BICDL1: variants seen among roughly 807,000 people sequenced by gnomAD.
BICDL1 encodes BICD family like cargo adaptor 1.
BICDL1 carries 20 observed loss-of-function variants against 76.8 expected under a neutral mutation model. That is an observed-to-expected ratio of 0.26 (90% CI 0.18 to 0.38). The LOEUF (loss-of-function observed/expected upper bound fraction) is 0.38, where lower values mean the gene tolerates loss of function less well. Among genes scored for constraint, BICDL1 ranks in the 10% least tolerant of loss-of-function variants. The pLI is 1.00. For synonymous variants in BICDL1, 383 were observed against 337.1 expected (o/e 1.14, Z -1.49); for missense variants, 700 against 798.6 (o/e 0.88, Z 1.49).
rs181731082 is a variant in BICDL1, at chr12:120,054,710, C to G, written c.646-7000C>G. Among the ~76,000 whole-genome samples, 707 of 152,058 alleles carry G rather than the reference C, an allele frequency of 4.6e-3. 3 individuals are homozygous for G. The highest frequency in any genetic ancestry group is 8.5e-3 in the Admixed American group (129 of 15,262). On this transcript the variant is annotated intron_variant, in intron 2 of 9. Transcript: ENST00000548673. ...TGGCCAACATGAAGGAATTCCATCTCTACTAAAAATGCAAAAAAAATTAGC... is the reference window on the plus strand; with the variant it reads ...TGGCCAACATGAAGGAATTCCATCTGTACTAAAAATGCAAAAAAAATTAGC...
intron 8 of BICDL1, among the ~76,000 whole-genome samples, chr12:120,084,537 C>T (rs1213399280): frequency 6.6e-6 from 1 of 152,130 alleles, no homozygotes; most frequent in Non-Finnish European, 1.5e-5. Context: ...AAATAAGATA[C>T]TGTATGCTTT....
chr12:120,061,661 T>C (rs751771608), intron 2 of BICDL1, 49 bp from the exon 3 acceptor site: 2 of 1,260,650 alleles, frequency 1.6e-6, no homozygotes, highest in East Asian at 2.3e-5. Context: ...CTTAACAGAG[T>C]TCCTTTGCAT....
At chr12:120,002,172 C>T (rs958092587) in intron 2 of BICDL1, among the ~76,000 whole-genome samples, 1 of 152,306 alleles carries the variant, frequency 6.6e-6, no homozygotes, top group East Asian at 1.9e-4. Flanking sequence ...ACTCATTTCT[C>T]CTAACCTTAT....
At chr12:120,051,339 C>A (rs1277617599) in intron 2 of BICDL1, among the ~76,000 whole-genome samples, 1 of 152,208 alleles carries the variant, frequency 6.6e-6, no homozygotes, top group Non-Finnish European at 1.5e-5. Context: ...AGCCACTGAG[C>A]CCAGCCCCCT....
At chr12:120,025,648 A>G (rs1450405109) in intron 2 of BICDL1, among the ~76,000 whole-genome samples, 1 of 152,212 alleles carries the variant, frequency 6.6e-6, no homozygotes, top group Non-Finnish European at 1.5e-5. Flanking sequence ...GTATGCTTTA[A>G]ATATGTACAG....
intron 2 of BICDL1, among the ~76,000 whole-genome samples, chr12:120,027,950 G>A (rs146021846): frequency 2.6e-5 from 4 of 152,200 alleles, no homozygotes; most frequent in Non-Finnish European, 4.4e-5. Context: ...AACGTTGATC[G>A]TTGTGTTCCT....
At position 120,079,910 on chromosome 12, in the gene BICDL1, C is replaced by G. The variant is rs1873838178; in HGVS notation, c.1453-977C>G. On this transcript the variant is annotated intron_variant, in intron 7 of 9. Transcript: ENST00000548673. This position sits in a 1 kb window ranked among gnomAD's most constrained non-coding sequence, Gnocchi z 4.3. ...GGCAAGTTTGGTCACAGGCCCACGC[C>G]CAGACTGCCTGGGAAAGGAAATGTC... Among the ~76,000 whole-genome samples, 1 of 152,224 alleles carries G rather than the reference C, an allele frequency of 6.6e-6. No individual in the cohort carries two copies. The highest frequency in any genetic ancestry group is 1.5e-5 in the Non-Finnish European group (1 of 68,042).
intron 2 of BICDL1, among the ~76,000 whole-genome samples, chr12:119,999,062 GA>G (rs10658480): frequency 0.037 from 3,505 of 95,200 alleles, 57 homozygotes; most frequent in African/African-American, 0.08. Context: ...GCCTGTCTCG[GA>G]AAAAAAAAAA....
At chr12:120,089,278 GTGTGTGTGTGTA>G (rs917396406) in intron 8 of BICDL1, among the ~76,000 whole-genome samples, 8 of 139,326 alleles carry the variant, frequency 5.7e-5, no homozygotes, top group Non-Finnish European at 1.0e-4. Context: ...CAACGTGTGT[GTGTGTGTGTGTA>G]TGTGTGTGTG....
At chr12:120,039,633 G>A (rs1302454666) in intron 2 of BICDL1, among the ~76,000 whole-genome samples, 1 of 89,396 alleles carries the variant, frequency 1.1e-5, no homozygotes, top group Admixed American at 1.5e-4. Flanking sequence ...GTGAGACTCC[G>A]TCTCAAAAAA....
intron 1 of BICDL1, among the ~76,000 whole-genome samples, 198 bp from the exon 2 acceptor site, chr12:119,998,323 C>G (rs1366741745): frequency 6.6e-6 from 1 of 152,168 alleles, no homozygotes; most frequent in East Asian, 1.9e-4. Flanking sequence ...ATGGCGTTCT[C>G]TTTGTGAAAC....
At position 119,989,954 on chromosome 12, in the gene BICDL1, C is replaced by G; in HGVS notation, c.86C>G (p.Ala29Gly). Residue 29 changes from alanine (A) to glycine (G), a missense_variant, in exon 1 of 10, where the codon GCG becomes GGG. Ala to Gly is a moderately conservative substitution (Grantham distance 60). Around this residue, in one of 3 missense-constraint regions of BICDL1, gnomAD observed 225 missense variants for 199.6 expected, o/e 1.13. Coordinates refer to ENST00000548673, the MANE Select transcript of BICDL1 (RefSeq NM_001367886.1). The stretch of plus-strand genomic sequence containing the variant: ...GCCTGCTGCATGGAGCTGCCCGCCG[C>G]GGCCGGGGACGCAGTCCGGAGTCCC... ...DSACCMELPA[A>G]AGDAVRSPAA... The G allele has an allele frequency of 6.8e-7, 1 of 1,463,804 alleles. No homozygotes were observed. Among genetic ancestry groups the G allele is most frequent in the Non-Finnish European group, 8.9e-7 (1 of 1,122,540 alleles). The allele number at this position is 1,463,804 out of a possible 1,614,324, so 90.7% of individuals were successfully genotyped here.
At chr12:120,004,878 A>G (rs1159132406) in intron 2 of BICDL1, among the ~76,000 whole-genome samples, 3 of 151,984 alleles carry the variant, frequency 2.0e-5, no homozygotes, top group African/African-American at 4.8e-5. Flanking sequence ...CTGGAGTGCA[A>G]TGGCACGATC....
chr12:120,050,849 C>A (rs1952843975), intron 2 of BICDL1, among the ~76,000 whole-genome samples: 1 of 151,920 alleles, frequency 6.6e-6, no homozygotes, highest in Non-Finnish European at 1.5e-5. Flanking sequence ...CTTGGCTAGT[C>A]TTGAACTCCT....
intron 2 of BICDL1, among the ~76,000 whole-genome samples, chr12:120,015,739 G>GAA (rs1402078348): frequency 6.6e-6 from 1 of 152,172 alleles, no homozygotes; most frequent in Non-Finnish European, 1.5e-5. Flanking sequence ...CTAAAAGGTT[G>GAA]AACCCACCCA....
intron 2 of BICDL1, among the ~76,000 whole-genome samples, chr12:120,044,705 T>G (rs1408278192): frequency 6.6e-6 from 1 of 152,240 alleles, no homozygotes; most frequent in African/African-American, 2.4e-5. Flanking sequence ...TTGTCAAAGA[T>G]CAGATAGTTG....
intron 2 of BICDL1, among the ~76,000 whole-genome samples, chr12:120,053,166 G>A (rs573966659): frequency 6.6e-6 from 1 of 152,060 alleles, no homozygotes; most frequent in Non-Finnish European, 1.5e-5. Flanking sequence ...CACAACCTCT[G>A]CCTCCTGGGT....
intron 2 of BICDL1, among the ~76,000 whole-genome samples, chr12:120,041,801 G>A (rs893514059): frequency 2.6e-5 from 4 of 152,172 alleles, no homozygotes; most frequent in Non-Finnish European, 5.9e-5. Context: ...AGGTCTGAGG[G>A]CAGCAAGTAG....
Position 120,093,647 on chromosome 12 carries a change from C to A in BICDL1, c.*486C>A. 1 of 169,920 alleles carries A rather than the reference C, an allele frequency of 5.9e-6. No individual in the cohort carries two copies. Among genetic ancestry groups the A allele is most frequent in the South Asian group, 1.3e-4 (1 of 7,700 alleles). 10.5% of individuals were successfully genotyped at this position (169,920 alleles called of 1,614,324 possible). ...GCCTGAGCCTCCATTCCTTCCCCAG[C>A]CCCTGGCCCAGGGTCAAAGGAGAGA... is the stretch of plus-strand genomic sequence containing the variant. On this transcript the variant is annotated 3_prime_UTR_variant, in exon 10 of 10. Coordinates refer to ENST00000548673, the MANE Select transcript of BICDL1 (RefSeq NM_001367886.1).
Sources: allele counts gnomAD v4.1 joint callset (sites outside exome capture counted in the v4.1 genomes callset), GRCh38; gene constraint gnomAD v4.1.1; regional missense constraint gnomAD v4.1.1; non-coding constraint Gnocchi (gnomAD v3.1); transcripts MANE v1.5; gene names NCBI Gene and HGNC (gene_info 2026-07-23, HGNC 2026-07-21).